The following ARMH1 variants were observed in gnomAD, a reference collection of about 807,000 sequenced individuals.
The protein encoded by ARMH1 is armadillo like helical domain containing 1.
A neutral mutation model predicts 50.2 loss-of-function variants in ARMH1; 34 were observed. The ratio of observed to expected loss-of-function variants is 0.68; its 90% confidence interval spans 0.51 to 0.90. The LOEUF (loss-of-function observed/expected upper bound fraction) is 0.90. Ranked by LOEUF, ARMH1 falls within the 40% of genes least tolerant of loss-of-function variation. The pLI is 0.00. For synonymous variants in ARMH1, 221 were observed against 224.2 expected (o/e 0.99, Z 0.13); for missense variants, 538 against 553.9 (o/e 0.97, Z 0.29).
chr1:44,683,620 TA>T lies in ARMH1; in HGVS notation c.-22-6053del, dbSNP rs1645379742. Among the ~76,000 whole-genome samples, 1 of 152,152 alleles carries T rather than the reference TA, an allele frequency of 6.6e-6. No individual in the cohort carries two copies. Among genetic ancestry groups the T allele is most frequent in the African/African-American group, 2.4e-5 (1 of 41,430 alleles). ...ACGCTGGGACGGTGAGCTAAACCACTAAATCTGACAACAGGAGATTATTGGT... is the reference window on the plus strand; with the variant it reads ...ACGCTGGGACGGTGAGCTAAACCACTAATCTGACAACAGGAGATTATTGGT... On this transcript the variant is annotated intron_variant, in intron 1 of 11. Transcript: ENST00000535358. This position sits in a 1 kb window ranked among gnomAD's most constrained non-coding sequence, Gnocchi z 4.2.
intron 6 of ARMH1, among the ~76,000 whole-genome samples, chr1:44,720,540 T>C (rs186124713): frequency 6.6e-6 from 1 of 152,274 alleles, no homozygotes; most frequent in Non-Finnish European, 1.5e-5. Flanking sequence ...TTCATTGGAG[T>C]TCACACACTA....
intron 4 of ARMH1, among the ~76,000 whole-genome samples, chr1:44,700,332 T>C (rs1171972343): frequency 6.6e-6 from 1 of 152,184 alleles, no homozygotes; most frequent in Admixed American, 6.5e-5. Context: ...ACAAGTGTTA[T>C]CATGGCCGGG....
At chr1:44,689,969 C>T in intron 2 of ARMH1, 66 bp downstream of exon 2, 1 of 1,454,054 alleles carries the variant, frequency 6.9e-7, no homozygotes, top group South Asian at 1.2e-5. Context: ...CCTGTAATCC[C>T]AGCACTTTGG....
At chr1:44,706,671 G>A (rs1049361549) in intron 6 of ARMH1, among the ~76,000 whole-genome samples, 1 of 152,140 alleles carries the variant, frequency 6.6e-6, no homozygotes, top group Non-Finnish European at 1.5e-5. Flanking sequence ...ACCCCTGCAA[G>A]GTCTGTGTGC....
Position 44,701,238 on chromosome 1 carries a change from C to T in ARMH1, c.639+119C>T. Reference sequence around the variant, plus strand: ...CGGAGCTCAGCCTCCCACTGCATGTCTGTTGTTCAATCAGCGTTACTTCCA... The same window carrying T: ...CGGAGCTCAGCCTCCCACTGCATGTTTGTTGTTCAATCAGCGTTACTTCCA... On this transcript the variant is annotated intron_variant, in intron 5 of 11. Transcript: ENST00000535358. 1.2e-5 allele frequency: 12 copies of T among 1,000,922 alleles called. No individual in the cohort carries two copies. In the South Asian group the frequency reaches 2.0e-4, roughly 16 times the overall value. 62.0% of individuals were successfully genotyped at this position (1,000,922 alleles called of 1,614,324 possible).
Position 44,724,674 on chromosome 1 carries a change from CGCGGCGGCTGGTTAGGGGGCGGGAAGG to C in ARMH1, c.1050+15_1050+41del. On this transcript the variant is annotated splice_region_variant and intron_variant, in intron 9 of 11. Coordinates refer to ENST00000535358, the MANE Select transcript of ARMH1 (RefSeq NM_001145636.2). The surrounding 1 kb of genome is among the most constrained non-coding windows in gnomAD (Gnocchi z 6.4). ...TGGCCAGCCTCACGCTGGAGGTGCG[CGCGGCGGCTGGTTAGGGGGCGGGAAGG>C]GCGGCGGCACCCGCAGCCCCGTCGC... 6.7e-7 allele frequency: 1 copy of C among 1,485,848 alleles called. No homozygotes were observed. The allele number at this position is 1,485,848 out of a possible 1,614,324, so 92.0% of individuals were successfully genotyped here.
intron 6 of ARMH1, among the ~76,000 whole-genome samples, chr1:44,706,981 G>A (rs1646370130): frequency 6.6e-6 from 1 of 151,920 alleles, no homozygotes; most frequent in Non-Finnish European, 1.5e-5. Flanking sequence ...CTCCTCATCC[G>A]TCCATCACTT....
In ARMH1 at chr1:44,724,274, G is replaced by A; in HGVS notation, c.847+30G>A. 2 of 1,551,056 alleles carry A rather than the reference G, an allele frequency of 1.3e-6. No homozygotes were observed. The highest frequency in any genetic ancestry group is 1.7e-6 in the Non-Finnish European group (2 of 1,146,502). The stretch of plus-strand genomic sequence containing the variant: ...GGACCTGCTCAAATGGGGCTGCCTG[G>A]GCCACGGGAGGGCGGTCTCTTGCCT... On this transcript the variant is annotated intron_variant, in intron 7 of 11. Coordinates refer to ENST00000535358, the MANE Select transcript of ARMH1 (RefSeq NM_001145636.2). This position sits in a 1 kb window ranked among gnomAD's most constrained non-coding sequence, Gnocchi z 6.4.
intron 1 of ARMH1, chr1:44,688,967 G>A (rs1645565538): frequency 6.6e-6 from 1 of 152,202 alleles, no homozygotes; most frequent in East Asian, 1.9e-4. Context: ...ATTGGCATAA[G>A]AGGGAGGCCA....
intron 5 of ARMH1, among the ~76,000 whole-genome samples, chr1:44,702,207 A>C (rs1207320959): frequency 1.3e-5 from 2 of 152,170 alleles, no homozygotes; most frequent in Non-Finnish European, 2.9e-5. Flanking sequence ...TTAGGGGCTT[A>C]TCTACACGCT....
intron 5 of ARMH1, among the ~76,000 whole-genome samples, chr1:44,702,654 G>T (rs984336135): frequency 1.4e-5 from 2 of 144,482 alleles, no homozygotes; most frequent in Admixed American, 1.4e-4. Flanking sequence ...GGAGGTTGCA[G>T]TGAGCCAAGA....
At chr1:44,721,883 A>T (rs1366333984) in intron 6 of ARMH1, 1 of 152,212 alleles carries the variant, frequency 6.6e-6, no homozygotes, top group Non-Finnish European at 1.5e-5. Flanking sequence ...TTTATTCGTT[A>T]TGAAGAGAAA....
intron 1 of ARMH1, among the ~76,000 whole-genome samples, chr1:44,677,531 C>A (rs1645176158): frequency 6.6e-6 from 1 of 152,182 alleles, no homozygotes; most frequent in Non-Finnish European, 1.5e-5. Flanking sequence ...AGAGAATCCA[C>A]ATCTGAGATC....
chr1:44,721,689 A>ACTCCG (rs1304471860), intron 6 of ARMH1: 7 of 151,712 alleles, frequency 4.6e-5, no homozygotes, highest in South Asian at 2.1e-4. Flanking sequence ...CGACCACACC[A>ACTCCG]CTCCGCTACA....
chr1:44,688,094 A>T (rs1293008943), intron 1 of ARMH1: 1 of 152,246 alleles, frequency 6.6e-6, no homozygotes, highest in Admixed American at 6.5e-5. Context: ...AACTGAAGGC[A>T]GCCACAGCCT....
At position 44,674,724 on chromosome 1, in the gene ARMH1, G is replaced by A; in HGVS notation, c.-172G>A. ...TCCCCACCCTCTCATGTAGGTGAGA[G>A]GCGGCTGAAGAGTTGCTGTATTCTG... On this transcript the variant is annotated 5_prime_UTR_variant, in exon 1 of 12. Transcript: ENST00000535358. 1 of 304,254 alleles carries A rather than the reference G, an allele frequency of 3.3e-6. No homozygotes were observed. Among genetic ancestry groups the A allele is most frequent in the South Asian group, 8.2e-5 (1 of 12,238 alleles). 18.8% of individuals were successfully genotyped at this position (304,254 alleles called of 1,614,324 possible).
rs1379394429 is a variant in ARMH1, at chr1:44,689,861, C to A, written c.164C>A (p.Ala55Asp). ...PELEQEFSQGASLFLVRLTTS... is the reference protein window; with the variant it reads ...PELEQEFSQGDSLFLVRLTTS... ...CTGGAGCAGGAGTTTTCCCAGGGAG[C>A]CAGTTTGTTCCTGGTACGCTTGACC... The change falls in exon 2 of 12, where the codon GCC becomes GAC. Residue 55 changes from alanine to aspartate, a missense_variant. Coordinates refer to ENST00000535358, the MANE Select transcript of ARMH1 (RefSeq NM_001145636.2). 1.9e-6 allele frequency: 3 copies of A among 1,551,120 alleles called. No individual in the cohort carries two copies. Among genetic ancestry groups the A allele is most frequent in the Non-Finnish European group, 2.6e-6 (3 of 1,146,968 alleles).
intron 5 of ARMH1, among the ~76,000 whole-genome samples, chr1:44,702,198 T>C (rs568632475): frequency 2.6e-4 from 39 of 151,956 alleles, no homozygotes; most frequent in African/African-American, 9.4e-4. Flanking sequence ...GCCACTGTGT[T>C]AGGGGCTTAT....
In ARMH1 at chr1:44,724,044, C is replaced by T. The variant is rs917210096; in HGVS notation, c.725-78C>T. Reference sequence around the variant, plus strand: ...AGAGGAGGACACTGACGAGTGGCGACTTGGTTCACGGGGTTCTTTGCTTCC... The same window carrying T: ...AGAGGAGGACACTGACGAGTGGCGATTTGGTTCACGGGGTTCTTTGCTTCC... On this transcript the variant is annotated intron_variant, in intron 6 of 11. Coordinates refer to ENST00000535358, the MANE Select transcript of ARMH1 (RefSeq NM_001145636.2). The surrounding 1 kb of genome is among the most constrained non-coding windows in gnomAD (Gnocchi z 6.4). 1 of 1,504,576 alleles carries T rather than the reference C, an allele frequency of 6.6e-7. No individual in the cohort carries two copies. The highest frequency in any genetic ancestry group is 8.9e-7 in the Non-Finnish European group (1 of 1,121,622). The allele number at this position is 1,504,576 out of a possible 1,614,324, so 93.2% of individuals were successfully genotyped here.
Sources: allele counts gnomAD v4.1 joint callset (sites outside exome capture counted in the v4.1 genomes callset), GRCh38; gene constraint gnomAD v4.1.1; non-coding constraint Gnocchi (gnomAD v3.1); transcripts MANE v1.5; gene names NCBI Gene and HGNC (gene_info 2026-07-23, HGNC 2026-07-21).